The following PRELID2 variants were observed in gnomAD, a reference collection of about 807,000 sequenced individuals.
The protein encoded by PRELID2 is PRELI domain containing 2.
In PRELID2, 25 loss-of-function variants were observed where a neutral mutation model predicts 28.4. That is an observed-to-expected ratio of 0.88 (90% CI 0.64 to 1.23). The LOEUF is 1.23. Ranked by LOEUF, PRELID2 falls within the 50% of genes most tolerant of loss-of-function variation. The pLI is 0.00. For synonymous variants in PRELID2, 76 were observed against 71.6 expected, an observed-to-expected ratio of 1.06 and a Z score of -0.31; for missense variants, 201 against 214.4, an observed-to-expected ratio of 0.94 and a Z score of 0.39.
At chr5:145,794,019 G>T (rs1752573690) in intron 5 of PRELID2, among the ~76,000 whole-genome samples, 1 of 152,012 alleles carries the variant, frequency 6.6e-6, no homozygotes, top group South Asian at 2.1e-4. Context: ...ACCTATAGGA[G>T]GCCAACGAGA....
At chr5:145,292,487 G>A in the PRELID2 span, among the ~76,000 whole-genome samples, 2 of 152,220 alleles carry the variant, frequency 1.3e-5, no homozygotes, top group Non-Finnish European at 2.9e-5. Flanking sequence ...CTAAGAGGAT[G>A]AGGACTTCAC....
At chr5:145,730,456 T>C (rs1756306783) in intron 1 of PRELID2, among the ~76,000 whole-genome samples, 2 of 152,192 alleles carry the variant, frequency 1.3e-5, no homozygotes, top group South Asian at 4.1e-4. Flanking sequence ...ATGCATGGCA[T>C]GAAGATCCAT....
At chr5:145,512,580 T>G (rs1169678545) in intron 1 of PRELID2, among the ~76,000 whole-genome samples, 1 of 152,188 alleles carries the variant, frequency 6.6e-6, no homozygotes, top group African/African-American at 2.4e-5. Flanking sequence ...TAAATGTTCT[T>G]GCCTGCCAGC....
chr5:145,628,880 G>A (rs1267487381), intron 1 of PRELID2, among the ~76,000 whole-genome samples: 1 of 152,174 alleles, frequency 6.6e-6, no homozygotes, highest in Non-Finnish European at 1.5e-5. Flanking sequence ...GTTGCAGAAT[G>A]AGTGGACTTC....
At chr5:145,290,268 A>G in the PRELID2 span, among the ~76,000 whole-genome samples, 1 of 152,214 alleles carries the variant, frequency 6.6e-6, no homozygotes, top group Non-Finnish European at 1.5e-5. Context: ...CCAAAGGATT[A>G]TAAATCATGC....
intron 1 of PRELID2, among the ~76,000 whole-genome samples, chr5:145,512,052 T>A (rs1752465809): frequency 6.6e-6 from 1 of 152,096 alleles, no homozygotes; most frequent in South Asian, 2.1e-4. Context: ...GAAGAGGGAA[T>A]CAGCAATGAA....
At chr5:145,701,288 A>C (rs1755401443) in intron 1 of PRELID2, among the ~76,000 whole-genome samples, 1 of 152,140 alleles carries the variant, frequency 6.6e-6, no homozygotes, top group African/African-American at 2.4e-5. Flanking sequence ...CTCTCATTTG[A>C]CCCAAAGTAT....
chr5:145,396,360 G>A, the PRELID2 span, among the ~76,000 whole-genome samples: 11 of 151,940 alleles, frequency 7.2e-5, no homozygotes, highest in Admixed American at 6.6e-5. Context: ...ATTATCTACA[G>A]TACTAGTAAC....
At chr5:145,255,255 T>G in the PRELID2 span, among the ~76,000 whole-genome samples, 1 of 151,974 alleles carries the variant, frequency 6.6e-6, no homozygotes, top group East Asian at 1.9e-4. Flanking sequence ...ATGACTCAGA[T>G]GTTAGAATTA....
the PRELID2 span, among the ~76,000 whole-genome samples, chr5:145,331,415 G>A: frequency 6.6e-6 from 1 of 152,054 alleles, no homozygotes; most frequent in Non-Finnish European, 1.5e-5. Flanking sequence ...AAGTCTCTTT[G>A]TAGGCCTCTA....
chr5:145,511,979 T>C (rs752985460), intron 1 of PRELID2, among the ~76,000 whole-genome samples: 4 of 152,258 alleles, frequency 2.6e-5, no homozygotes, highest in South Asian at 2.1e-4. Flanking sequence ...CCTCAAGAGA[T>C]ATTTTGTGGT....
chr5:145,832,591 G>A (rs1418292181), intron 1 of PRELID2, among the ~76,000 whole-genome samples: 1 of 152,158 alleles, frequency 6.6e-6, no homozygotes, highest in Non-Finnish European at 1.5e-5. Flanking sequence ...TCGGATCCAT[G>A]TGTTAAAATC....
chr5:145,622,310 G>A (rs1456814210), intron 1 of PRELID2, among the ~76,000 whole-genome samples: 2 of 151,996 alleles, frequency 1.3e-5, no homozygotes, highest in East Asian at 3.8e-4. Flanking sequence ...ACTTTAAATA[G>A]GTAAATTGTA....
intron 1 of PRELID2, among the ~76,000 whole-genome samples, chr5:145,497,152 C>T (rs1752316461): frequency 1.3e-5 from 2 of 152,194 alleles, no homozygotes; most frequent in Admixed American, 6.5e-5. Context: ...GCATGAGCCA[C>T]CATGCCCAGC....
At chr5:145,430,199 C>T in the PRELID2 span, among the ~76,000 whole-genome samples, 3 of 152,220 alleles carry the variant, frequency 2.0e-5, no homozygotes, top group Non-Finnish European at 4.4e-5. Flanking sequence ...AATATACCAT[C>T]CTCCATGAAG....
At chr5:145,391,988 C>T in the PRELID2 span, among the ~76,000 whole-genome samples, 1 of 152,172 alleles carries the variant, frequency 6.6e-6, no homozygotes, top group African/African-American at 2.4e-5. Flanking sequence ...TGCCATCCAA[C>T]AAGTCTCTAG....
At chr5:145,648,382 C>T (rs1427239061) in intron 1 of PRELID2, among the ~76,000 whole-genome samples, 1 of 151,264 alleles carries the variant, frequency 6.6e-6, no homozygotes, top group Non-Finnish European at 1.5e-5. Context: ...GCCTATAAGA[C>T]AAAAAGATGT....
chr5:145,792,455 G>A (rs1363775545), intron 5 of PRELID2, among the ~76,000 whole-genome samples: 1 of 152,184 alleles, frequency 6.6e-6, no homozygotes, highest in African/African-American at 2.4e-5. Flanking sequence ...CATAGTGCTG[G>A]CACTGAACAC....
chr5:145,382,700 A>T, the PRELID2 span, among the ~76,000 whole-genome samples: 2 of 151,976 alleles, frequency 1.3e-5, no homozygotes, highest in Non-Finnish European at 1.5e-5. Flanking sequence ...CCATACTACA[A>T]AAAATGCTGT....
Sources: allele counts gnomAD v4.1 joint callset (sites outside exome capture counted in the v4.1 genomes callset), GRCh38; gene constraint gnomAD v4.1.1; transcripts MANE v1.5; gene names NCBI Gene and HGNC (gene_info 2026-07-23, HGNC 2026-07-21).